Variants in CNTN5 observed in about 807,000 individuals in gnomAD.
CNTN5 encodes the protein contactin 5.
Under a neutral mutation model 129.1 loss-of-function variants are expected in CNTN5, and 77 were observed. That is an observed-to-expected ratio of 0.60 (90% CI 0.50 to 0.72). The LOEUF (loss-of-function observed/expected upper bound fraction) is 0.72, where lower values mean the gene tolerates loss of function less well. CNTN5 is among the 30% of genes least tolerant of loss of function. The pLI, the probability that CNTN5 is intolerant of heterozygous loss-of-function variation, is 0.00. For missense variants in CNTN5, 1,478 were observed against 1,328.8 expected (o/e 1.11, Z -1.75); for synonymous variants, 509 against 465.6 (o/e 1.09, Z -1.20).
intron 21 of CNTN5, among the ~76,000 whole-genome samples, chr11:100,309,853 A>G (rs949091801): frequency 1.3e-5 from 2 of 151,748 alleles, no homozygotes; most frequent in African/African-American, 4.8e-5. Context: ...CCCACTATAG[A>G]TAATTGCCCT....
intron 3 of CNTN5, among the ~76,000 whole-genome samples, chr11:99,573,969 G>GT (rs1354559353): frequency 1.3e-5 from 2 of 151,850 alleles, no homozygotes; most frequent in Admixed American, 1.3e-4. Context: ...GGTTTGTTAC[G>GT]TAAGTATACA....
chr11:100,248,529 G>T (rs940876458), intron 16 of CNTN5, among the ~76,000 whole-genome samples: 4 of 152,020 alleles, frequency 2.6e-5, no homozygotes, highest in African/African-American at 9.7e-5. Flanking sequence ...CTGGGCAACA[G>T]AATGAGACCA....
chr11:100,183,269 G>C (rs1298010736), intron 13 of CNTN5, among the ~76,000 whole-genome samples: 2 of 152,082 alleles, frequency 1.3e-5, no homozygotes, highest in Non-Finnish European at 2.9e-5. Context: ...AGAAATGAAA[G>C]CATATATCCA....
chr11:99,286,280 T>C (rs1393064048), intron 1 of CNTN5, among the ~76,000 whole-genome samples: 1 of 152,140 alleles, frequency 6.6e-6, no homozygotes, highest in Non-Finnish European at 1.5e-5. Context: ...AACCTACTAC[T>C]TGGCCCTATT....
chr11:99,807,117 GA>G (rs1482611385), intron 3 of CNTN5, among the ~76,000 whole-genome samples: 4 of 152,046 alleles, frequency 2.6e-5, no homozygotes, highest in Admixed American at 6.5e-5. Context: ...CAAATCTAAT[GA>G]AATATGATTT....
At chr11:99,824,382 T>C (rs1414835714) in intron 4 of CNTN5, among the ~76,000 whole-genome samples, 5 of 152,018 alleles carry the variant, frequency 3.3e-5, no homozygotes, top group Non-Finnish European at 7.4e-5. Flanking sequence ...TTCATGTAAA[T>C]ATTGGACATT....
In CNTN5 at chr11:99,072,224, G is replaced by A. The variant is rs998115534; in HGVS notation, c.-210+50954G>A. ...GTTGAGTTGTCAAAAGTTTATGCTC[G>A]TTTTCCAGAACTCAAGAATGTGCAC... On this transcript the variant is annotated intron_variant, in intron 1 of 24. Transcript: ENST00000524871. Among the ~76,000 whole-genome samples the A allele has an allele frequency of 4.6e-5, 7 of 151,770 alleles. No individual in the cohort carries two copies. The East Asian group carries it at 5.8e-4, about 13-fold the overall frequency.
intron 2 of CNTN5, among the ~76,000 whole-genome samples, chr11:99,548,200 A>G (rs1948364419): frequency 1.3e-5 from 2 of 152,176 alleles, no homozygotes; most frequent in African/African-American, 2.4e-5. Flanking sequence ...ATTTAATAGA[A>G]AGAGGTATTT....
chr11:99,981,064 A>G (rs1450400270), intron 8 of CNTN5, among the ~76,000 whole-genome samples: 5 of 138,092 alleles, frequency 3.6e-5, no homozygotes, highest in Non-Finnish European at 7.8e-5. Flanking sequence ...TTATAGAGAG[A>G]AAGAGCCAAT....
At chr11:99,661,109 C>A (rs1334105046) in intron 3 of CNTN5, among the ~76,000 whole-genome samples, 1 of 151,994 alleles carries the variant, frequency 6.6e-6, no homozygotes, top group African/African-American at 2.4e-5. Flanking sequence ...AGATTGTATT[C>A]TCATAATCCT....
intron 4 of CNTN5, among the ~76,000 whole-genome samples, chr11:99,826,866 A>AATG (rs1946976094): frequency 6.6e-6 from 1 of 152,184 alleles, no homozygotes; most frequent in Admixed American, 6.5e-5. Flanking sequence ...AAATAATAAT[A>AATG]AAGTCTCTCT....
chr11:99,785,150 T>C (rs1945471918), intron 3 of CNTN5, among the ~76,000 whole-genome samples: 1 of 152,142 alleles, frequency 6.6e-6, no homozygotes, highest in Admixed American at 6.6e-5. Flanking sequence ...ATTTCTCTAA[T>C]GACTGGTGAT....
At chr11:99,193,715 C>A (rs1781481677) in intron 1 of CNTN5, among the ~76,000 whole-genome samples, 1 of 152,134 alleles carries the variant, frequency 6.6e-6, no homozygotes, top group African/African-American at 2.4e-5. Context: ...ATGGGCAACC[C>A]AGGAGACCGT....
intron 1 of CNTN5, among the ~76,000 whole-genome samples, chr11:99,074,122 T>C (rs1375575760): frequency 6.6e-6 from 1 of 152,242 alleles, no homozygotes; most frequent in African/African-American, 2.4e-5. Context: ...ATTTCTCTAA[T>C]GACCAGTGAT....
intron 3 of CNTN5, among the ~76,000 whole-genome samples, chr11:99,665,679 G>T (rs1024208298): frequency 1.4e-4 from 21 of 151,798 alleles, no homozygotes; most frequent in Admixed American, 4.6e-4. Flanking sequence ...TAGAGCCGGG[G>T]TTGCACAATG....
chr11:99,238,286 C>T (rs145802350), intron 1 of CNTN5, among the ~76,000 whole-genome samples: 7 of 152,094 alleles, frequency 4.6e-5, no homozygotes, highest in Admixed American at 6.5e-5. Flanking sequence ...GTTAATAAGA[C>T]ACTTTAGAAA....
At chr11:99,837,990 T>A (rs61911600) in intron 4 of CNTN5, among the ~76,000 whole-genome samples, 1 of 152,004 alleles carries the variant, frequency 6.6e-6, no homozygotes, top group Non-Finnish European at 1.5e-5. Context: ...ATGAAGTTTA[T>A]AAAATACAGA....
chr11:99,272,140 G>A (rs1018003484), intron 1 of CNTN5, among the ~76,000 whole-genome samples: 9 of 151,972 alleles, frequency 5.9e-5, no homozygotes, highest in African/African-American at 1.9e-4. Flanking sequence ...TGAGCACAGA[G>A]CACCTAAGTA....
chr11:100,242,794 A>G (rs1342636651), intron 16 of CNTN5, among the ~76,000 whole-genome samples: 1 of 152,218 alleles, frequency 6.6e-6, no homozygotes, highest in East Asian at 1.9e-4. Context: ...AACTATACAA[A>G]TGAATGAATA....
Sources: gnomAD v4.1 joint callset for allele counts (sites outside exome capture counted in the v4.1 genomes callset) on GRCh38, gnomAD v4.1.1 for gene constraint, MANE v1.5 for transcripts, NCBI Gene and HGNC (gene_info 2026-07-23, HGNC 2026-07-21) for gene names.